Variants in SLC14A2 observed in about 807,000 individuals in gnomAD.
The protein encoded by SLC14A2 is urea transporter 2.
Under a neutral mutation model 104.6 loss-of-function variants are expected in SLC14A2, and 91 were observed. That is an observed-to-expected ratio of 0.87 (90% confidence interval 0.73 to 1.04). SLC14A2 has a LOEUF of 1.04. Among genes scored for constraint, SLC14A2 ranks in the 50% least tolerant of loss-of-function variants. SLC14A2 has a pLI of 0.00. For synonymous variants in SLC14A2, 476 were observed against 466.4 expected (o/e 1.02, Z -0.27); for missense variants, 1,189 against 1,156.0 (o/e 1.03, Z -0.41).
At chr18:45,627,588 C>G (rs187313118) in intron 4 of SLC14A2, among the ~76,000 whole-genome samples, 2 of 151,966 alleles carry the variant, frequency 1.3e-5, no homozygotes, top group Non-Finnish European at 2.9e-5. Context: ...TGAGAGAAGG[C>G]GAGGAGAGAG....
At chr18:45,225,764 G>A (rs1458223490) in intron 1 of SLC14A2, among the ~76,000 whole-genome samples, 1 of 152,134 alleles carries the variant, frequency 6.6e-6, no homozygotes, top group African/African-American at 2.4e-5. Flanking sequence ...GTGAATGGGA[G>A]TTCACTCATG....
At chr18:45,652,183 G>A (rs1490634714) in intron 10 of SLC14A2, among the ~76,000 whole-genome samples, 1 of 152,236 alleles carries the variant, frequency 6.6e-6, no homozygotes, top group African/African-American at 2.4e-5. Context: ...TTCAGTATGG[G>A]CATGATTTCT....
intron 2 of SLC14A2, among the ~76,000 whole-genome samples, chr18:45,518,188 G>A (rs2043469067): frequency 6.6e-6 from 1 of 152,122 alleles, no homozygotes; most frequent in Admixed American, 6.5e-5. Flanking sequence ...GTTGCTCCAA[G>A]GCCTCTGAAA....
chr18:45,637,878 T>C (rs915931355), intron 6 of SLC14A2, among the ~76,000 whole-genome samples: 2 of 152,128 alleles, frequency 1.3e-5, no homozygotes, highest in Admixed American at 1.3e-4. Flanking sequence ...TAAATTTCCA[T>C]GGCACACCTG....
At chr18:45,434,875 T>A (rs200602884) in intron 1 of SLC14A2, among the ~76,000 whole-genome samples, 5 of 152,228 alleles carry the variant, frequency 3.3e-5, no homozygotes, top group African/African-American at 1.2e-4. Flanking sequence ...TTTTAAACTT[T>A]AAAATTGTTT....
At chr18:45,592,787 C>T (rs1274314310) in intron 2 of SLC14A2, among the ~76,000 whole-genome samples, 3 of 152,316 alleles carry the variant, frequency 2.0e-5, no homozygotes, top group Admixed American at 6.5e-5. Flanking sequence ...CCAGCAGAGC[C>T]AAGCCCAAAT....
chr18:45,202,844 GTCC>G, the SLC14A2 span, among the ~76,000 whole-genome samples: 1 of 152,132 alleles, frequency 6.6e-6, no homozygotes, highest in African/African-American at 2.4e-5. Context: ...AGGTGTACAA[GTCC>G]TCCTTATCTT....
intron 1 of SLC14A2, among the ~76,000 whole-genome samples, chr18:45,355,916 A>G (rs1352025795): frequency 1.3e-5 from 2 of 152,192 alleles, no homozygotes; most frequent in East Asian, 3.9e-4. Flanking sequence ...ATAAGGCAGG[A>G]GCTGAATACA....
chr18:45,567,527 G>T (rs2044283776), intron 2 of SLC14A2, among the ~76,000 whole-genome samples: 1 of 152,232 alleles, frequency 6.6e-6, no homozygotes, highest in African/African-American at 2.4e-5. Context: ...CTGGGAAAGA[G>T]TCAGAGTGTC....
At chr18:45,562,994 C>T (rs1297793701) in intron 2 of SLC14A2, among the ~76,000 whole-genome samples, 2 of 152,114 alleles carry the variant, frequency 1.3e-5, no homozygotes, top group Non-Finnish European at 2.9e-5. Flanking sequence ...TTCCTCGGGG[C>T]TTTTAAAAAG....
At chr18:45,269,701 C>T (rs1486942078) in intron 1 of SLC14A2, among the ~76,000 whole-genome samples, 1 of 152,148 alleles carries the variant, frequency 6.6e-6, no homozygotes, top group Non-Finnish European at 1.5e-5. Flanking sequence ...CATATTTAGA[C>T]TTCATGTAAC....
chr18:45,401,045 G>A (rs1444640072), intron 1 of SLC14A2, among the ~76,000 whole-genome samples: 2 of 152,164 alleles, frequency 1.3e-5, no homozygotes, highest in Admixed American at 6.5e-5. Flanking sequence ...GCCTTTAGAA[G>A]CTAAGATCTG....
chr18:45,375,796 C>G (rs1348123578), intron 1 of SLC14A2, among the ~76,000 whole-genome samples: 1 of 152,206 alleles, frequency 6.6e-6, no homozygotes, highest in East Asian at 1.9e-4. Context: ...TCCCCCATCA[C>G]TTTCCTTTTC....
chr18:45,355,577 CAAAAAA>C (rs768389823), intron 1 of SLC14A2, among the ~76,000 whole-genome samples: 1 of 51,144 alleles, frequency 2.0e-5, no homozygotes, highest in Non-Finnish European at 3.4e-5. Flanking sequence ...TACTCTGTCT[CAAAAAA>C]AAAAAAAAAA....
intron 1 of SLC14A2, among the ~76,000 whole-genome samples, chr18:45,350,161 C>T (rs974940467): frequency 5.3e-5 from 8 of 152,190 alleles, no homozygotes; most frequent in East Asian, 1.9e-4. Context: ...GGGAGCATTT[C>T]CTATGACTGA....
At chr18:45,664,343 G>A (rs898893456) in intron 11 of SLC14A2, among the ~76,000 whole-genome samples, 2 of 152,244 alleles carry the variant, frequency 1.3e-5, no homozygotes, top group Admixed American at 6.5e-5. Context: ...CACAGGTAGA[G>A]ACCCATGGTG....
chr18:45,629,950 CTCTG>C (rs1210980356), intron 4 of SLC14A2, among the ~76,000 whole-genome samples: 1 of 152,152 alleles, frequency 6.6e-6, no homozygotes, highest in Non-Finnish European at 1.5e-5. Flanking sequence ...CCAGCTGTAC[CTCTG>C]TCTATCTAAT....
At chr18:45,284,721 GAA>G (rs1261799937) in intron 1 of SLC14A2, among the ~76,000 whole-genome samples, 5 of 152,168 alleles carry the variant, frequency 3.3e-5, no homozygotes, top group Non-Finnish European at 1.5e-5. Flanking sequence ...TGAATGAAGG[GAA>G]AGAACAGAAA....
chr18:45,376,297 T>A (rs1233228303), intron 1 of SLC14A2, among the ~76,000 whole-genome samples: 15 of 152,180 alleles, frequency 9.9e-5, no homozygotes, highest in Admixed American at 9.8e-4. Flanking sequence ...CCTGAGCACC[T>A]TGCACAGTGT....
Sources: gnomAD v4.1 joint callset for allele counts (sites outside exome capture counted in the v4.1 genomes callset) on GRCh38, gnomAD v4.1.1 for gene constraint, MANE v1.5 for transcripts, NCBI Gene and HGNC (gene_info 2026-07-23, HGNC 2026-07-21) for gene names.